YTHDC2: variants seen among roughly 807,000 people sequenced by gnomAD.
The protein encoded by YTHDC2 is 3'-5' RNA helicase YTHDC2.
In YTHDC2, 45 loss-of-function variants were observed where a neutral mutation model predicts 174.9. The ratio of observed to expected loss-of-function variants is 0.26; its 90% CI spans 0.20 to 0.33. YTHDC2 has a LOEUF of 0.33. Among genes scored for constraint, YTHDC2 ranks in the 10% least tolerant of loss-of-function variants. The pLI, the probability that YTHDC2 is intolerant of heterozygous loss-of-function variation, is 1.00. For synonymous variants in YTHDC2, 657 were observed against 574.5 expected, an observed-to-expected ratio of 1.14 and a Z score of -2.05; for missense variants, 1,650 against 1,723.7, an observed-to-expected ratio of 0.96 and a Z score of 0.76.
chr5:113,551,413 A>T (rs556778387), intron 12 of YTHDC2, among the ~76,000 whole-genome samples: 26 of 152,266 alleles, frequency 1.7e-4, no homozygotes, highest in African/African-American at 5.8e-4. Context: ...TGAATATATT[A>T]TTATGTTTAC....
chr5:113,563,558 ATG>A, intron 19 of YTHDC2, 66 bp downstream of exon 19: 1 of 1,477,408 alleles, frequency 6.8e-7, no homozygotes, highest in Non-Finnish European at 9.1e-7. Context: ...AAAAGGAAAT[ATG>A]TCTTAACTAA....
At chr5:113,534,647 A>C (rs1774929708) in intron 6 of YTHDC2, among the ~76,000 whole-genome samples, 2 of 152,116 alleles carry the variant, frequency 1.3e-5, no homozygotes, top group African/African-American at 4.8e-5. Flanking sequence ...TATTGAGGGA[A>C]AATAAAATAA....
At chr5:113,584,267 T>A in intron 25 of YTHDC2, 35 bp from the exon 26 acceptor site, 1 of 1,575,870 alleles carries the variant, frequency 6.3e-7, no homozygotes, top group Non-Finnish European at 8.6e-7. Context: ...CGAACTTATA[T>A]ATAACTGATC....
intron 10 of YTHDC2, among the ~76,000 whole-genome samples, chr5:113,544,131 T>C (rs1470253742): frequency 6.6e-6 from 1 of 152,178 alleles, no homozygotes. Context: ...CTGAAAAATC[T>C]TTGTTGAATA....
At chr5:113,569,768 C>T (rs758197610) in intron 23 of YTHDC2, among the ~76,000 whole-genome samples, 2 of 152,118 alleles carry the variant, frequency 1.3e-5, no homozygotes, top group Non-Finnish European at 2.9e-5. Context: ...AGCTTGAAGT[C>T]GGGTAGCGTG....
In YTHDC2 at chr5:113,548,531, C is replaced by T; in HGVS notation, c.1496-10C>T. On this transcript the variant is annotated splice_polypyrimidine_tract_variant and intron_variant, in intron 10 of 29. Transcript: ENST00000161863. The stretch of plus-strand genomic sequence containing the variant: ...AAATTTAAGTTTTATTTATCTTTTC[C>T]TTTTTTTAGTTGATTACAGACATAG... 1.9e-6 allele frequency: 3 copies of T among 1,570,576 alleles called. No individual in the cohort carries two copies. Among genetic ancestry groups the T allele is most frequent in the Admixed American group, 2.1e-5 (1 of 47,936 alleles).
intron 2 of YTHDC2, among the ~76,000 whole-genome samples, chr5:113,515,844 G>C (rs1348678058): frequency 6.6e-6 from 1 of 152,208 alleles, no homozygotes; most frequent in Non-Finnish European, 1.5e-5. Flanking sequence ...GAAGGTATAT[G>C]TGGGGAAACT....
At chr5:113,566,860 T>C (rs1351924499) in intron 21 of YTHDC2, among the ~76,000 whole-genome samples, 2 of 125,302 alleles carry the variant, frequency 1.6e-5, no homozygotes, top group African/African-American at 6.0e-5. Context: ...GTGATTCTTA[T>C]ACTTAATCTA....
intron 3 of YTHDC2, among the ~76,000 whole-genome samples, chr5:113,526,317 T>G (rs1024677910): frequency 7.7e-6 from 1 of 129,462 alleles, no homozygotes; most frequent in Non-Finnish European, 1.6e-5. Context: ...AAACATTATG[T>G]ACCAGAAATA....
intron 21 of YTHDC2, among the ~76,000 whole-genome samples, chr5:113,566,320 A>G (rs1777324060): frequency 1.3e-5 from 2 of 151,856 alleles, no homozygotes; most frequent in Non-Finnish European, 2.9e-5. Context: ...TCTTATAGTT[A>G]TTTTCTTTTA....
At chr5:113,575,463 A>G (rs986011594) in intron 23 of YTHDC2, among the ~76,000 whole-genome samples, 4 of 152,206 alleles carry the variant, frequency 2.6e-5, no homozygotes, top group African/African-American at 4.8e-5. Flanking sequence ...AAGAAAGCCT[A>G]GACACGTTTT....
At chr5:113,533,982 C>G (rs1561638246) in intron 5 of YTHDC2, among the ~76,000 whole-genome samples, 1 of 151,986 alleles carries the variant, frequency 6.6e-6, no homozygotes, top group Non-Finnish European at 1.5e-5. Context: ...ACAAGTAGTA[C>G]TTTTTTTATT....
chr5:113,544,027 TATTTC>T (rs1421149894), intron 10 of YTHDC2, among the ~76,000 whole-genome samples: 1 of 152,232 alleles, frequency 6.6e-6, no homozygotes, highest in Admixed American at 6.5e-5. Flanking sequence ...TTTCATTACT[TATTTC>T]ATCTACTAGA....
intron 23 of YTHDC2, among the ~76,000 whole-genome samples, chr5:113,571,517 C>G (rs1249713200): frequency 1.3e-5 from 2 of 152,164 alleles, no homozygotes; most frequent in Non-Finnish European, 2.9e-5. Context: ...GGAGTCCCTC[C>G]TTTTCAGTTG....
intron 12 of YTHDC2, 23 bp from the exon 13 acceptor site, chr5:113,553,155 GTCT>G: frequency 9.2e-7 from 1 of 1,092,446 alleles, no homozygotes; most frequent in Non-Finnish European, 1.2e-6. Flanking sequence ...AATTGACTTT[GTCT>G]TTTTTTTTTT....
chr5:113,563,603 TGC>T, intron 19 of YTHDC2, 111 bp downstream of exon 19: 5 of 1,233,608 alleles, frequency 4.1e-6, no homozygotes, highest in Non-Finnish European at 5.5e-6. Context: ...TTTGTCCTCC[TGC>T]ATGTGTCCAG....
At chr5:113,585,046 C>T (rs530462752) in intron 26 of YTHDC2, among the ~76,000 whole-genome samples, 1 of 152,024 alleles carries the variant, frequency 6.6e-6, no homozygotes, top group Non-Finnish European at 1.5e-5. Flanking sequence ...CTCCGAGTGG[C>T]AGGGATTACA....
chr5:113,573,901 C>T (rs1777882423), intron 23 of YTHDC2, among the ~76,000 whole-genome samples: 1 of 152,144 alleles, frequency 6.6e-6, no homozygotes, highest in Admixed American at 6.5e-5. Context: ...CATTGGGTTA[C>T]AATATGCTTC....
rs755280183 is a variant in YTHDC2 at position 113,564,079 on chromosome 5, G to A, written c.2663G>A (p.Arg888His). 9 of 1,614,006 alleles carry A rather than the reference G, an allele frequency of 5.6e-6. No homozygotes were observed. The highest frequency in any genetic ancestry group is 4.0e-5 in the African/African-American group (3 of 74,920). ...CGTGCAGCTATGCTTTGTAGGAAAC[G>A]TTTTACTGCAGGAGCTTTCAGTGAC... is the stretch of plus-strand genomic sequence containing the variant. ...QKRAAMLCRK[R>H]FTAGAFSDHM... Residue 888 changes from arginine to histidine, a missense_variant, in exon 20 of 30, where the codon CGT becomes CAT. Around this residue, in one of 5 missense-constraint regions of YTHDC2, gnomAD observed 913 missense variants for 940.4 expected, o/e 0.97. Coordinates refer to ENST00000161863, the MANE Select transcript of YTHDC2 (RefSeq NM_022828.5).
Sources: allele counts gnomAD v4.1 joint callset (sites outside exome capture counted in the v4.1 genomes callset), GRCh38; gene constraint gnomAD v4.1.1; regional missense constraint gnomAD v4.1.1; transcripts MANE v1.5; gene names NCBI Gene and HGNC (gene_info 2026-07-23, HGNC 2026-07-21).